EVC2: variants seen among roughly 807,000 people sequenced by gnomAD.
EVC2 encodes limbin.
EVC2 carries 148 observed loss-of-function variants against 149.3 expected under a neutral mutation model. The ratio of observed to expected loss-of-function variants is 0.99; its 90% CI spans 0.87 to 1.14. The LOEUF is 1.14. Among genes scored for constraint, EVC2 ranks in the 50% most tolerant of loss-of-function variants. The pLI, the probability that EVC2 is intolerant of heterozygous loss-of-function variation, is 0.00. For missense variants in EVC2, 1,854 were observed against 1,627.3 expected (o/e 1.14, Z -2.40); for synonymous variants, 776 against 649.9 (o/e 1.19, Z -2.95).
In EVC2 at chr4:5,614,413, C is replaced by G. The variant is rs905247837; in HGVS notation, c.2829+1009G>C. On this transcript the variant is annotated intron_variant, in intron 16 of 21. Transcript: ENST00000344408. The surrounding 1 kb of genome is among the most constrained non-coding windows in gnomAD (Gnocchi z 4.7). The stretch of plus-strand genomic sequence containing the variant: ...AGCGCCTGGGACACTGTTGCCTCCC[C>G]AAAATACTTGTGGAACAAATTAACC... Among the ~76,000 whole-genome samples, 1 of 151,996 alleles carries G rather than the reference C, an allele frequency of 6.6e-6. No homozygotes were observed. Among genetic ancestry groups the G allele is most frequent in the Non-Finnish European group, 1.5e-5 (1 of 68,010 alleles).
At chr4:5,680,351 TTTCACAC>T in intron 7 of EVC2, among the ~76,000 whole-genome samples, 1 of 152,230 alleles carries the variant, frequency 6.6e-6, no homozygotes, top group East Asian at 1.9e-4. Context: ...GCACAGTAGG[TTTCACAC>T]CAGAATCACC....
At chr4:5,658,318 G>C (rs1718660213) in intron 9 of EVC2, among the ~76,000 whole-genome samples, 3 of 152,218 alleles carry the variant, frequency 2.0e-5, no homozygotes, top group African/African-American at 7.2e-5. Flanking sequence ...AACCTTGGAT[G>C]AGTTGTTTAA....
At chr4:5,534,818 GA>G in the EVC2 span, among the ~76,000 whole-genome samples, 12,334 of 66,926 alleles carry the variant, frequency 0.18, 616 homozygotes, top group East Asian at 0.36. Context: ...CATCTGGTAG[GA>G]AAAAAAAAAA....
chr4:5,662,511 ATAATAT>A (rs1718953395), intron 9 of EVC2, among the ~76,000 whole-genome samples: 1 of 141,940 alleles, frequency 7.0e-6, no homozygotes, highest in Non-Finnish European at 1.5e-5. Flanking sequence ...TATATTAAAT[ATAATAT>A]TAATATTAAA....
chr4:5,570,799 G>A (rs559333676), intron 19 of EVC2, among the ~76,000 whole-genome samples: 1 of 152,288 alleles, frequency 6.6e-6, no homozygotes, highest in African/African-American at 2.4e-5. Context: ...ATACACCATA[G>A]AATACTACTC....
intron 11 of EVC2, among the ~76,000 whole-genome samples, chr4:5,629,294 G>A (rs1010347094): frequency 1.4e-4 from 22 of 152,230 alleles, no homozygotes; most frequent in African/African-American, 5.1e-4. Context: ...GGCCAAGAGT[G>A]TTTCATGTCT....
At position 5,567,452 on chromosome 4, in the gene EVC2, C is replaced by T. The variant is rs974111758; in HGVS notation, c.3557+992G>A. On this transcript the variant is annotated intron_variant, in intron 20 of 21. Transcript: ENST00000344408. This position sits in a 1 kb window ranked among gnomAD's most constrained non-coding sequence, Gnocchi z 4.4. ...TGATGGTTCAGCAGGCTCTCGGGCT[C>T]CCAGATGCCCTCCTGGCCTCCTCTG... is the stretch of plus-strand genomic sequence containing the variant. Among the ~76,000 whole-genome samples, 16 of 152,290 alleles carry T rather than the reference C, an allele frequency of 1.1e-4. No homozygotes were observed. The highest frequency in any genetic ancestry group is 3.4e-4 in the African/African-American group (14 of 41,552).
Position 5,622,125 on chromosome 4 carries a change from C to T in EVC2, c.2501+412G>A, listed in dbSNP as rs1715730565. On this transcript the variant is annotated intron_variant, in intron 14 of 21. Transcript: ENST00000344408. The surrounding 1 kb of genome is among the most constrained non-coding windows in gnomAD (Gnocchi z 5.8). Reference sequence around the variant, plus strand: ...CCTGGAATGGCCTAACCGCAAGCTCCCCTTCCCCCTCTGCTCCTGTGGATC... The same window carrying T: ...CCTGGAATGGCCTAACCGCAAGCTCTCCTTCCCCCTCTGCTCCTGTGGATC... Among the ~76,000 whole-genome samples the T allele has an allele frequency of 6.6e-6, 1 of 152,090 alleles. No homozygotes were observed. The highest frequency in any genetic ancestry group is 2.4e-5 in the African/African-American group (1 of 41,424).
chr4:5,531,735 AG>A, the EVC2 span, among the ~76,000 whole-genome samples: 2 of 151,856 alleles, frequency 1.3e-5, no homozygotes, highest in Non-Finnish European at 1.5e-5. Context: ...ACAAGCTTGG[AG>A]CTCCCACTGA....
rs748032394 is a variant in EVC2, at chr4:5,565,238, G to A, written c.3659+20C>T. ...TAGCTCACCCCCTCCCCAGCCACAT[G>A]AGCAGGTGCCCATCATTACCTCTGC... On this transcript the variant is annotated intron_variant, in intron 21 of 21. Coordinates refer to ENST00000344408, the MANE Select transcript of EVC2 (RefSeq NM_147127.5). 93 of 1,610,080 alleles carry A rather than the reference G, an allele frequency of 5.8e-5. No individual in the cohort carries two copies. The highest frequency in any genetic ancestry group is 7.2e-5 in the Non-Finnish European group (85 of 1,176,868).
chr4:5,662,428 AAT>A (rs1409930520), intron 9 of EVC2, among the ~76,000 whole-genome samples: 9 of 148,162 alleles, frequency 6.1e-5, no homozygotes, highest in African/African-American at 2.2e-4. Context: ...TTATTAGTTC[AAT>A]AGTTTATTGA....
At chr4:5,545,301 T>A (rs753934879) in intron 21 of EVC2, among the ~76,000 whole-genome samples, 9 of 152,166 alleles carry the variant, frequency 5.9e-5, no homozygotes, top group Non-Finnish European at 1.2e-4. Context: ...TGATTCCACT[T>A]TCAGGCCAGG....
chr4:5,697,641 G>T lies in EVC2; in HGVS notation c.235C>A (p.Pro79Thr), dbSNP rs759834226. The part of the protein sequence containing the change: ...AGPESSTQDL[P>T]CMIWPKVECC... ...TCCACTTTGGGCCAAATCATACAGG[G>T]CAAGTCCTAAAAAATTCAAGACACA... Residue 79 changes from proline to threonine, a missense_variant, in exon 2 of 22, where the codon CCC (proline) becomes ACC (threonine). Coordinates refer to ENST00000344408, the MANE Select transcript of EVC2 (RefSeq NM_147127.5). The T allele has an allele frequency of 2.6e-5, 42 of 1,613,936 alleles. No individual in the cohort carries two copies. The highest frequency in any genetic ancestry group is 3.6e-5 in the Non-Finnish European group (42 of 1,179,936).
rs866874849 is a variant in EVC2 at position 5,574,861 on chromosome 4, C to T, written c.3273-89G>A. On this transcript the variant is annotated intron_variant, in intron 18 of 21. Coordinates refer to ENST00000344408, the MANE Select transcript of EVC2 (RefSeq NM_147127.5). ...TAGTTATTTAAATAACAAAGAAGCACACATCTCAGCCATATGATTTTAAAA... is the reference window on the plus strand; with the variant it reads ...TAGTTATTTAAATAACAAAGAAGCATACATCTCAGCCATATGATTTTAAAA... The T allele has an allele frequency of 3.9e-5, 51 of 1,293,448 alleles. No homozygotes were observed. The Middle Eastern group carries it at 1.1e-3, about 28-fold the overall frequency. The allele number at this position is 1,293,448 out of a possible 1,614,324, so 80.1% of individuals were successfully genotyped here.
intron 16 of EVC2, among the ~76,000 whole-genome samples, chr4:5,595,788 G>C (rs570178845): frequency 6.6e-6 from 1 of 152,278 alleles, no homozygotes; most frequent in African/African-American, 2.4e-5. Flanking sequence ...TGGATAAAGA[G>C]TCAAGACCCA....
intron 16 of EVC2, among the ~76,000 whole-genome samples, chr4:5,596,223 C>A (rs4697882): frequency 9.2e-5 from 14 of 152,098 alleles, no homozygotes; most frequent in Middle Eastern, 3.4e-3. Flanking sequence ...GCGGACCTAA[C>A]AGACATCTAC....
At chr4:5,669,438 T>A (rs1719486482) in intron 7 of EVC2, among the ~76,000 whole-genome samples, 1 of 152,220 alleles carries the variant, frequency 6.6e-6, no homozygotes, top group Non-Finnish European at 1.5e-5. Flanking sequence ...AATGTCTACG[T>A]TTGTCCCACT....
At chr4:5,529,909 C>T in the EVC2 span, among the ~76,000 whole-genome samples, 3 of 151,720 alleles carry the variant, frequency 2.0e-5, no homozygotes, top group South Asian at 2.1e-4. The surrounding 1 kb of genome is among the most constrained non-coding windows in gnomAD (Gnocchi z 4.5). Flanking sequence ...CTCCACCTCC[C>T]GGTGCAAGCG....
At chr4:5,698,854 C>A (rs140891038) in intron 1 of EVC2, among the ~76,000 whole-genome samples, 2 of 152,222 alleles carry the variant, frequency 1.3e-5, no homozygotes, top group East Asian at 3.8e-4. Flanking sequence ...GTGAGTTGAG[C>A]GGGATGCTCA....
Sources: allele counts gnomAD v4.1 joint callset (sites outside exome capture counted in the v4.1 genomes callset), GRCh38; gene constraint gnomAD v4.1.1; non-coding constraint Gnocchi (gnomAD v3.1); transcripts MANE v1.5; gene names NCBI Gene and HGNC (gene_info 2026-07-23, HGNC 2026-07-21).